The following SGCZ variants were observed in gnomAD, a reference collection of about 807,000 sequenced individuals.
SGCZ encodes the protein sarcoglycan zeta.
SGCZ carries 40 observed loss-of-function variants against 41.3 expected under a neutral mutation model. That is an observed-to-expected ratio of 0.97 (90% confidence interval 0.75 to 1.26). The LOEUF (loss-of-function observed/expected upper bound fraction) is 1.26. Ranked by LOEUF, SGCZ falls within the 50% of genes most tolerant of loss-of-function variation. The pLI is 0.00. For synonymous variants in SGCZ, 206 were observed against 137.5 expected (o/e 1.50, Z -3.49); for missense variants, 552 against 369.8 (o/e 1.49, Z -4.04).
At position 14,090,638 on chromosome 8, in the gene SGCZ, C is replaced by G. The variant is rs754910096; in HGVS notation, c.745-1G>C. ...TGATTGTCTCTGCATTTAAAAATAT[C>G]TATGGGAAAAAAGAAATTGCATTTT... On this transcript the variant is annotated splice_acceptor_variant, in intron 7 of 7. Coordinates refer to ENST00000382080, the MANE Select transcript of SGCZ (RefSeq NM_139167.4). LOFTEE classifies it high-confidence loss of function. 5.0e-6 allele frequency: 8 copies of G among 1,606,202 alleles called. No individual in the cohort carries two copies.
chr8:14,163,630 A>G (rs528963817), intron 5 of SGCZ, among the ~76,000 whole-genome samples: 4 of 152,294 alleles, frequency 2.6e-5, no homozygotes, highest in African/African-American at 7.2e-5. Flanking sequence ...TATCATTTCA[A>G]TCATTCAGAT....
At chr8:15,209,288 G>A (rs904148052) in intron 1 of SGCZ, among the ~76,000 whole-genome samples, 15 of 151,972 alleles carry the variant, frequency 9.9e-5, no homozygotes, top group Middle Eastern at 3.2e-3. Context: ...CTTTCATAAT[G>A]AATGTCGTTA....
chr8:14,929,751 A>G (rs1378813156), intron 1 of SGCZ, among the ~76,000 whole-genome samples: 2 of 152,002 alleles, frequency 1.3e-5, no homozygotes, highest in East Asian at 3.9e-4. Flanking sequence ...TTCATGGGTA[A>G]TTAATGTCTT....
chr8:14,400,714 G>A (rs1291783514), intron 2 of SGCZ, among the ~76,000 whole-genome samples: 2 of 151,986 alleles, frequency 1.3e-5, no homozygotes, highest in African/African-American at 2.4e-5. Flanking sequence ...CTATTCTTGA[G>A]TCTGTGTTTT....
At chr8:14,581,460 TC>T (rs397955823) in intron 1 of SGCZ, among the ~76,000 whole-genome samples, 1 of 151,358 alleles carries the variant, frequency 6.6e-6, no homozygotes, top group Non-Finnish European at 1.5e-5. Context: ...TTTTTTTTTT[TC>T]CCCCACAGTG....
intron 1 of SGCZ, among the ~76,000 whole-genome samples, chr8:15,171,920 G>A (rs1190109837): frequency 6.6e-6 from 1 of 152,064 alleles, no homozygotes; most frequent in Non-Finnish European, 1.5e-5. Flanking sequence ...GTCACTGACA[G>A]CCAAGTCAAT....
chr8:14,415,561 C>A (rs941430110), intron 2 of SGCZ, among the ~76,000 whole-genome samples: 8 of 151,916 alleles, frequency 5.3e-5, no homozygotes, highest in African/African-American at 1.9e-4. Flanking sequence ...TTCTACTAAA[C>A]AAGAACATTA....
Position 14,638,690 on chromosome 8 carries a change from C to T in SGCZ, c.40-83764G>A, listed in dbSNP as rs73521676. Among the ~76,000 whole-genome samples, 1,262 of 151,878 alleles carry T rather than the reference C, an allele frequency of 8.3e-3. 20 individuals carry two copies. The highest frequency in any genetic ancestry group is 0.029 in the African/African-American group (1,206 of 41,496). On this transcript the variant is annotated intron_variant, in intron 1 of 7. Transcript: ENST00000382080. ...CTGAGGCTCTGCTCAGTTGTTTTCT[C>T]CCCTGACAGATATCTCAGCTCCTCC...
intron 2 of SGCZ, among the ~76,000 whole-genome samples, chr8:14,392,642 C>T (rs1316587172): frequency 6.6e-6 from 1 of 152,056 alleles, no homozygotes; most frequent in Non-Finnish European, 1.5e-5. Context: ...GGCAGATAAA[C>T]TATGGTTACT....
At chr8:14,609,104 T>C (rs746923150) in intron 1 of SGCZ, among the ~76,000 whole-genome samples, 2 of 152,200 alleles carry the variant, frequency 1.3e-5, no homozygotes, top group Non-Finnish European at 2.9e-5. Context: ...TTTAGTTAAT[T>C]ATGCATCTTT....
chr8:14,988,362 T>C (rs1197499942), intron 1 of SGCZ, among the ~76,000 whole-genome samples: 1 of 152,024 alleles, frequency 6.6e-6, no homozygotes, highest in East Asian at 1.9e-4. Context: ...TAAGATATAC[T>C]ATACTTTTTA....
intron 5 of SGCZ, among the ~76,000 whole-genome samples, chr8:14,120,161 T>G (rs1439702390): frequency 6.6e-6 from 1 of 152,170 alleles, no homozygotes. Context: ...CAATAAAGAA[T>G]TATCAGGACC....
At chr8:14,622,102 G>A (rs1395089302) in intron 1 of SGCZ, among the ~76,000 whole-genome samples, 1 of 152,122 alleles carries the variant, frequency 6.6e-6, no homozygotes, top group Non-Finnish European at 1.5e-5. Context: ...GAAAAAAGAA[G>A]AGGTACCAAG....
chr8:14,876,285 G>A (rs1804353717), intron 1 of SGCZ, among the ~76,000 whole-genome samples: 1 of 152,098 alleles, frequency 6.6e-6, no homozygotes, highest in South Asian at 2.1e-4. Context: ...AGGGGGAAAT[G>A]GAAAATATTT....
intron 4 of SGCZ, among the ~76,000 whole-genome samples, chr8:14,229,648 G>C (rs1218387718): frequency 1.0e-4 from 3 of 30,100 alleles, no homozygotes; most frequent in South Asian, 4.9e-3. Flanking sequence ...CATTCTCTAA[G>C]TTAAAAAAAA....
chr8:14,593,217 T>C (rs1805295869), intron 1 of SGCZ, among the ~76,000 whole-genome samples: 1 of 152,014 alleles, frequency 6.6e-6, no homozygotes, highest in Non-Finnish European at 1.5e-5. Flanking sequence ...ATCACAAAGC[T>C]CCGTTGTAAA....
At chr8:15,222,546 T>C (rs577515347) in intron 1 of SGCZ, among the ~76,000 whole-genome samples, 20 of 152,372 alleles carry the variant, frequency 1.3e-4, no homozygotes, top group Middle Eastern at 3.4e-3. Flanking sequence ...TATTAGCTTT[T>C]ACCAGTAGTT....
chr8:14,598,401 C>G (rs1805482224), intron 1 of SGCZ, among the ~76,000 whole-genome samples: 2 of 151,958 alleles, frequency 1.3e-5, no homozygotes, highest in African/African-American at 4.8e-5. Context: ...CGGTTCCCTT[C>G]TAATTTTATG....
intron 4 of SGCZ, among the ~76,000 whole-genome samples, chr8:14,187,819 A>G (rs2117038486): frequency 6.6e-6 from 1 of 152,298 alleles, no homozygotes; most frequent in African/African-American, 2.4e-5. Context: ...AAAAACAATA[A>G]AGTACACATT....
Sources: gnomAD v4.1 joint callset for allele counts (sites outside exome capture counted in the v4.1 genomes callset) on GRCh38, gnomAD v4.1.1 for gene constraint, MANE v1.5 for transcripts, NCBI Gene and HGNC (gene_info 2026-07-23, HGNC 2026-07-21) for gene names.